The following PIGL variants were observed in gnomAD, a reference collection of about 807,000 sequenced individuals.
PIGL encodes the protein phosphatidylinositol glycan anchor biosynthesis class L.
PIGL carries 22 observed loss-of-function variants against 31.1 expected under a neutral mutation model. The observed-to-expected ratio is 0.71, with a 90% CI of 0.51 to 1.01. The LOEUF (loss-of-function observed/expected upper bound fraction) is 1.01. Ranked by LOEUF, PIGL falls within the 50% of genes least tolerant of loss-of-function variation. The pLI is 0.00. For synonymous variants in PIGL, 131 were observed against 117.4 expected, an observed-to-expected ratio of 1.12 and a Z score of -0.75; for missense variants, 302 against 315.9, an observed-to-expected ratio of 0.96 and a Z score of 0.33.
intron 1 of PIGL, among the ~76,000 whole-genome samples, chr17:16,229,109 A>G (rs1365834631): frequency 1.3e-5 from 2 of 151,976 alleles, no homozygotes; most frequent in Non-Finnish European, 2.9e-5. Context: ...CGTCTTTACA[A>G]AAAATAAAAA....
chr17:16,313,467 T>C, intron 3 of PIGL, 80 bp from the exon 4 acceptor site: 1 of 1,031,444 alleles, frequency 9.7e-7, no homozygotes, highest in Non-Finnish European at 1.5e-6. Context: ...TGTTCTCTCC[T>C]TCCCAAGGGA....
At chr17:16,270,197 G>C (rs2092864757) in intron 2 of PIGL, among the ~76,000 whole-genome samples, 1 of 151,594 alleles carries the variant, frequency 6.6e-6, no homozygotes, top group Non-Finnish European at 1.5e-5. Flanking sequence ...GCTGAGGCAG[G>C]AGAATTGCTT....
intron 6 of PIGL, among the ~76,000 whole-genome samples, chr17:16,318,548 G>A (rs2093088723): frequency 6.6e-6 from 1 of 151,978 alleles, no homozygotes; most frequent in South Asian, 2.1e-4. Flanking sequence ...AGGGATTACA[G>A]ACATGATCCA....
rs570377583 is a variant in PIGL at position 16,309,637 on chromosome 17, T to G, written c.427-3910T>G. Reference sequence around the variant, plus strand: ...TTAGCTAGGTGTGGTGGCATGCACCTGTAATCCCAGCTACTCGGAAGGCGG... The same window carrying G: ...TTAGCTAGGTGTGGTGGCATGCACCGGTAATCCCAGCTACTCGGAAGGCGG... On this transcript the variant is annotated intron_variant, in intron 3 of 6. Transcript: ENST00000225609. 5.9e-5 allele frequency among the ~76,000 whole-genome samples: 9 copies of G among 152,268 alleles called. No homozygotes were observed. In the East Asian group the frequency reaches 1.7e-3, roughly 29 times the overall value.
intron 4 of PIGL, among the ~76,000 whole-genome samples, chr17:16,314,496 T>C (rs182286923): frequency 7.0e-4 from 106 of 152,374 alleles, no homozygotes; most frequent in Non-Finnish European, 1.1e-3. Context: ...TTCATTATTC[T>C]GTCAGATGTA....
rs947998147 is a variant in PIGL, at chr17:16,244,001, G to C, written c.335+9931G>C. Among the ~76,000 whole-genome samples the C allele has an allele frequency of 5.9e-5, 9 of 152,324 alleles. 2 individuals carry two copies. Among genetic ancestry groups the C allele is most frequent in the African/African-American group, 2.2e-4 (9 of 41,586 alleles). ...TTGGTCAGAGACGAAATCATGGGGA[G>C]TCGAAGGTCTCTTCTTGGGCTGAGT... On this transcript the variant is annotated intron_variant, in intron 2 of 6. Transcript: ENST00000225609.
At chr17:16,257,336 G>A (rs1469165492) in intron 2 of PIGL, among the ~76,000 whole-genome samples, 1 of 152,118 alleles carries the variant, frequency 6.6e-6, no homozygotes, top group Non-Finnish European at 1.5e-5. Context: ...AGAATCGCTT[G>A]AACCCAGGAG....
intron 3 of PIGL, among the ~76,000 whole-genome samples, chr17:16,311,463 C>CTTTATTTTTTTTTTTTTTTTTTT: frequency 1.7e-4 from 1 of 5,832 alleles, no homozygotes; most frequent in Non-Finnish European, 3.7e-4. Flanking sequence ...CAGAGGTTTT[C>CTTTATTTTTTTTTTTTTTTTTTT]TTTCTTTTTT....
In PIGL at chr17:16,239,236, C is replaced by CACTTTGG. The variant is rs1010054532; in HGVS notation, c.335+5167_335+5173dup. Among the ~76,000 whole-genome samples, 10 of 151,060 alleles carry CACTTTGG rather than the reference C, an allele frequency of 6.6e-5. No homozygotes were observed. The East Asian group carries it at 2.0e-3, about 30-fold the overall frequency. ...GGGTGGCTCACGCCTGTAATCCCAGCACTTTGGGAGGCCGAGGCAGGCGGA... is the reference window on the plus strand; with the variant it reads ...GGGTGGCTCACGCCTGTAATCCCAGCACTTTGGACTTTGGGAGGCCGAGGCAGGCGGA... On this transcript the variant is annotated intron_variant, in intron 2 of 6. Coordinates refer to ENST00000225609, the MANE Select transcript of PIGL (RefSeq NM_004278.4).
At chr17:16,321,724 T>TCCTC (rs1297367906) in intron 6 of PIGL, among the ~76,000 whole-genome samples, 16 of 152,098 alleles carry the variant, frequency 1.1e-4, no homozygotes, top group African/African-American at 3.6e-4. Context: ...CTTCCTTCCT[T>TCCTC]CCTCCCTCCC....
chr17:16,246,734 G>A (rs937139981), intron 2 of PIGL, among the ~76,000 whole-genome samples: 10 of 122,738 alleles, frequency 8.1e-5, no homozygotes, highest in African/African-American at 2.4e-4. Flanking sequence ...GCCGGACTGC[G>A]GACTGCAGTG....
intron 2 of PIGL, among the ~76,000 whole-genome samples, chr17:16,294,816 C>T (rs2092974593): frequency 6.6e-6 from 1 of 152,144 alleles, no homozygotes; most frequent in African/African-American, 2.4e-5. Context: ...TGTCCATCAG[C>T]AGGTTGGTGT....
chr17:16,245,884 A>G (rs2092744345), intron 2 of PIGL, among the ~76,000 whole-genome samples: 1 of 151,370 alleles, frequency 6.6e-6, no homozygotes, highest in Non-Finnish European at 1.5e-5. Context: ...CAGTGGCACA[A>G]TCTCAGCTCG....
chr17:16,239,853 C>A (rs2092715434), intron 2 of PIGL, among the ~76,000 whole-genome samples: 1 of 152,022 alleles, frequency 6.6e-6, no homozygotes, highest in Non-Finnish European at 1.5e-5. Context: ...GTGGTGCAAT[C>A]TTAGCTCACT....
At chr17:16,303,425 G>A (rs1391502086) in intron 3 of PIGL, among the ~76,000 whole-genome samples, 1 of 152,138 alleles carries the variant, frequency 6.6e-6, no homozygotes, top group Non-Finnish European at 1.5e-5. Flanking sequence ...CTGTGGTGCT[G>A]AGCTGCTCAC....
At chr17:16,256,502 C>T (rs1243823921) in intron 2 of PIGL, among the ~76,000 whole-genome samples, 1 of 152,080 alleles carries the variant, frequency 6.6e-6, no homozygotes, top group Non-Finnish European at 1.5e-5. Flanking sequence ...CAGTTGCATG[C>T]CACCACGCCC....
intron 2 of PIGL, among the ~76,000 whole-genome samples, chr17:16,271,810 G>A (rs764403235): frequency 3.9e-5 from 6 of 152,170 alleles, no homozygotes; most frequent in Non-Finnish European, 7.4e-5. Context: ...GATTACAGGC[G>A]TGAACCACTG....
In PIGL at chr17:16,313,571, G is replaced by A; in HGVS notation, c.451G>A (p.Val151Ile). 1 of 1,613,990 alleles carries A rather than the reference G, an allele frequency of 6.2e-7. No individual in the cohort carries two copies. Among genetic ancestry groups the A allele is most frequent in the Non-Finnish European group, 8.5e-7 (1 of 1,179,832 alleles). The change falls in exon 4 of 7, where the codon GTA becomes ATA. Residue 151 changes from valine to isoleucine, a missense_variant. Transcript: ENST00000225609. ...GGTGGTGACTTTCGATGCAGGGGGA[G>A]TAAGTGGCCACAGCAATCACATTGC... ...NLVVTFDAGG[V>I]SGHSNHIALY...
At chr17:16,262,903 G>T (rs908498799) in intron 2 of PIGL, among the ~76,000 whole-genome samples, 1 of 152,124 alleles carries the variant, frequency 6.6e-6, no homozygotes, top group Non-Finnish European at 1.5e-5. Context: ...AGAAAATACT[G>T]ATTGATGCTG....
Sources: gnomAD v4.1 joint callset for allele counts (sites outside exome capture counted in the v4.1 genomes callset) on GRCh38, gnomAD v4.1.1 for gene constraint, MANE v1.5 for transcripts, NCBI Gene and HGNC (gene_info 2026-07-23, HGNC 2026-07-21) for gene names.